TRHDE: variants seen among roughly 807,000 people sequenced by gnomAD.
TRHDE encodes thyrotropin-releasing hormone-degrading ectoenzyme.
TRHDE carries 72 observed loss-of-function variants against 125.7 expected under a neutral mutation model. The observed-to-expected ratio is 0.57, with a 90% CI of 0.47 to 0.70. The LOEUF (loss-of-function observed/expected upper bound fraction) is 0.70, where lower values mean the gene tolerates loss of function less well. Among genes scored for constraint, TRHDE ranks in the 30% least tolerant of loss-of-function variants. The pLI, the probability that TRHDE is intolerant of heterozygous loss-of-function variation, is 0.00. For missense variants in TRHDE, 1,110 were observed against 1,327.1 expected (o/e 0.84, Z 2.54); for synonymous variants, 509 against 509.1 (o/e 1.00, Z 0.00).
At chr12:72,182,454 A>C (rs1001262862) in intron 2 of TRHDE, among the ~76,000 whole-genome samples, 2 of 152,244 alleles carry the variant, frequency 1.3e-5, no homozygotes, top group Non-Finnish European at 2.9e-5. Context: ...CAGCTTTGCT[A>C]TTAGTAAATG....
At chr12:72,648,406 A>C (rs1016295907) in intron 15 of TRHDE, among the ~76,000 whole-genome samples, 5 of 152,136 alleles carry the variant, frequency 3.3e-5, no homozygotes, top group African/African-American at 1.2e-4. Flanking sequence ...CAGAGAAAAT[A>C]GGGATGAAAA....
At chr12:72,457,440 C>T (rs1483612990) in intron 3 of TRHDE, among the ~76,000 whole-genome samples, 1 of 152,088 alleles carries the variant, frequency 6.6e-6, no homozygotes, top group Admixed American at 6.6e-5. Flanking sequence ...TCAGTATCTC[C>T]TGTTTATACA....
rs563933218 is a variant in TRHDE at position 72,401,639 on chromosome 12, G to A, written c.1315+23518G>A. Among the ~76,000 whole-genome samples, 8 of 152,288 alleles carry A rather than the reference G, an allele frequency of 5.3e-5. No individual in the cohort carries two copies. The South Asian group carries it at 1.4e-3, about 28-fold the overall frequency. On this transcript the variant is annotated intron_variant, in intron 3 of 18. Transcript: ENST00000261180. Reference sequence around the variant, plus strand: ...GAAATGTTTGAACCTTATATTCAATGCCATTTAAACATCTATGTAAATTAT... The same window carrying A: ...GAAATGTTTGAACCTTATATTCAATACCATTTAAACATCTATGTAAATTAT...
intron 2 of TRHDE, among the ~76,000 whole-genome samples, chr12:72,357,245 A>G (rs953159966): frequency 6.6e-6 from 1 of 151,566 alleles, no homozygotes; most frequent in Non-Finnish European, 1.5e-5. Context: ...CTAAGCAATA[A>G]CTATTACTTA....
chr12:72,268,563 A>C (rs116789883), upstream of TRHDE, among the ~76,000 whole-genome samples: 1,240 of 152,158 alleles, frequency 8.1e-3, 13 homozygotes, highest in African/African-American at 0.028. Context: ...CTTTCCCCCG[A>C]GCCAAGCTGT....
chr12:72,155,916 A>C (rs11179092), intron 2 of TRHDE, among the ~76,000 whole-genome samples: 10,407 of 152,220 alleles, frequency 0.068, 596 homozygotes, highest in African/African-American at 0.15. Flanking sequence ...CTACTCTCTT[A>C]AAAGCTGTCA....
chr12:72,189,012 A>G (rs1025685642), intron 2 of TRHDE, among the ~76,000 whole-genome samples: 3 of 152,228 alleles, frequency 2.0e-5, no homozygotes, highest in African/African-American at 7.2e-5. Context: ...CCTCTCAGAA[A>G]TGAGGATAAT....
chr12:72,289,878 C>T (rs543074931), intron 2 of TRHDE, among the ~76,000 whole-genome samples: 1 of 152,272 alleles, frequency 6.6e-6, no homozygotes, highest in Non-Finnish European at 1.5e-5. Context: ...TTAATCCAGA[C>T]CGCTTTTATT....
chr12:72,486,142 T>G (rs1220848652), intron 5 of TRHDE, among the ~76,000 whole-genome samples: 1 of 152,136 alleles, frequency 6.6e-6, no homozygotes, highest in East Asian at 1.9e-4. Flanking sequence ...CCTGGACCCT[T>G]AGGATCAAAA....
intron 7 of TRHDE, among the ~76,000 whole-genome samples, chr12:72,555,461 A>G (rs1869875485): frequency 8.4e-6 from 1 of 118,398 alleles, no homozygotes; most frequent in African/African-American, 4.7e-5. Context: ...ATATAATTTA[A>G]TAATAAAGGT....
At chr12:72,514,332 CATAAA>C (rs1468452952) in intron 6 of TRHDE, among the ~76,000 whole-genome samples, 1 of 151,782 alleles carries the variant, frequency 6.6e-6, no homozygotes, top group Non-Finnish European at 1.5e-5. Context: ...TGACTTAGAC[CATAAA>C]ATAATATATT....
chr12:72,288,574 G>A (rs993112037), intron 2 of TRHDE, among the ~76,000 whole-genome samples: 14 of 152,226 alleles, frequency 9.2e-5, no homozygotes, highest in East Asian at 3.9e-4. Flanking sequence ...ACACAGACAC[G>A]GAACACGAAG....
intron 2 of TRHDE, among the ~76,000 whole-genome samples, chr12:72,377,215 C>T (rs1871928360): frequency 6.6e-6 from 1 of 151,744 alleles, no homozygotes; most frequent in South Asian, 2.1e-4. Context: ...TGCTAGATAG[C>T]TTTATGAAAG....
rs530714647 is a variant in TRHDE, at chr12:72,431,069, C to T, written c.1316-38689C>T. 1.7e-4 allele frequency among the ~76,000 whole-genome samples: 26 copies of T among 152,122 alleles called. No homozygotes were observed. The East Asian group carries it at 2.7e-3, about 16-fold the overall frequency. ...TTATTTTTGGATTGCTCATTTCTGA[C>T]GTATAGAAATACAGCTTATTTTTTG... On this transcript the variant is annotated intron_variant, in intron 3 of 18. Transcript: ENST00000261180.
At chr12:72,459,556 A>G (rs2135883109) in intron 3 of TRHDE, among the ~76,000 whole-genome samples, 1 of 152,294 alleles carries the variant, frequency 6.6e-6, no homozygotes, top group Non-Finnish European at 1.5e-5. Context: ...GGCAGAAGTC[A>G]TGAAACTCTT....
rs1293264007 is a variant in TRHDE, at chr12:72,148,632, C to T, written n.279+42880C>T. ...CCTCTGATCCTGCCAAGGAAAGAACCCCAACAGTGTGGTTAGCTGCAATTA... is the reference window on the plus strand; with the variant it reads ...CCTCTGATCCTGCCAAGGAAAGAACTCCAACAGTGTGGTTAGCTGCAATTA... On this transcript the variant is annotated intron_variant and non_coding_transcript_variant, in intron 2 of 4. Coordinates refer to the TRHDE transcript ENST00000548156. Among the ~76,000 whole-genome samples the T allele has an allele frequency of 3.3e-5, 5 of 152,242 alleles. No individual in the cohort carries two copies. In the East Asian group the frequency reaches 9.6e-4, roughly 29 times the overall value.
intron 2 of TRHDE, among the ~76,000 whole-genome samples, chr12:72,323,965 A>G (rs1324579841): frequency 6.6e-6 from 1 of 152,108 alleles, no homozygotes; most frequent in Non-Finnish European, 1.5e-5. Flanking sequence ...CCCAAGGCTC[A>G]GCTTTGCTAC....
At chr12:72,256,444 T>C (rs1168389988) in intron 2 of TRHDE, 1 of 152,128 alleles carries the variant, frequency 6.6e-6, no homozygotes, top group African/African-American at 2.4e-5. Flanking sequence ...TCATATTTAG[T>C]ATTGTAACCC....
At chr12:72,189,226 C>G (rs1369220792) in intron 2 of TRHDE, among the ~76,000 whole-genome samples, 2 of 152,166 alleles carry the variant, frequency 1.3e-5, no homozygotes, top group African/African-American at 4.8e-5. Context: ...CAGCTTAATA[C>G]TATATTCAAC....
Sources: gnomAD v4.1 joint callset for allele counts (sites outside exome capture counted in the v4.1 genomes callset) on GRCh38, gnomAD v4.1.1 for gene constraint, MANE v1.5 for transcripts, NCBI Gene and HGNC (gene_info 2026-07-23, HGNC 2026-07-21) for gene names.